The following PCSK5 variants were observed in gnomAD, a reference collection of about 807,000 sequenced individuals.
The protein encoded by PCSK5 is prohormone convertase 5.
A neutral mutation model predicts 233.2 loss-of-function variants in PCSK5; 129 were observed. The ratio of observed to expected loss-of-function variants is 0.55; its 90% confidence interval spans 0.48 to 0.64. PCSK5 has a LOEUF of 0.64. Among genes scored for constraint, PCSK5 ranks in the 30% least tolerant of loss-of-function variants. PCSK5 has a pLI of 0.00. For synonymous variants in PCSK5, 825 were observed against 879.2 expected, an observed-to-expected ratio of 0.94 and a Z score of 1.09; for missense variants, 2,076 against 2,430.1, an observed-to-expected ratio of 0.85 and a Z score of 3.06.
intron 24 of PCSK5, among the ~76,000 whole-genome samples, chr9:76,267,715 T>G (rs1827378350): frequency 6.6e-6 from 1 of 152,174 alleles, no homozygotes; most frequent in Non-Finnish European, 1.5e-5. Context: ...TATAATGGCT[T>G]TGTTTCCCCA....
chr9:76,003,570 C>T (rs1827349677), intron 3 of PCSK5, among the ~76,000 whole-genome samples: 1 of 152,212 alleles, frequency 6.6e-6, no homozygotes, highest in Non-Finnish European at 1.5e-5. Context: ...TCTCTGAACT[C>T]TGAAATTAAG....
intron 24 of PCSK5, 113 bp from the exon 25 acceptor site, chr9:76,292,120 T>A: frequency 1.4e-6 from 1 of 703,300 alleles, no homozygotes; most frequent in South Asian, 1.7e-5. Context: ...GGACAGTACA[T>A]TTCATGAAAC....
intron 24 of PCSK5, among the ~76,000 whole-genome samples, chr9:76,263,358 G>A (rs999986303): frequency 7.2e-5 from 11 of 152,148 alleles, no homozygotes; most frequent in Non-Finnish European, 1.6e-4. Flanking sequence ...ATTCACAATA[G>A]CAAAGACTTG....
intron 21 of PCSK5, among the ~76,000 whole-genome samples, chr9:76,229,078 G>C (rs1825990445): frequency 1.3e-5 from 2 of 152,156 alleles, no homozygotes; most frequent in African/African-American, 4.8e-5. Flanking sequence ...AGACACAAAG[G>C]AACAGTTTTA....
At chr9:76,041,580 A>G (rs887033400) in intron 5 of PCSK5, among the ~76,000 whole-genome samples, 5 of 152,074 alleles carry the variant, frequency 3.3e-5, no homozygotes, top group African/African-American at 7.2e-5. Context: ...GGTGGCTCAC[A>G]CCTGTAATTC....
At chr9:76,193,367 T>G in intron 20 of PCSK5, 2 of 1,607,596 alleles carry the variant, frequency 1.2e-6, no homozygotes, top group Non-Finnish European at 1.7e-6. Flanking sequence ...CCATCTTAGA[T>G]TTCTTTGTTC....
At chr9:76,312,271 G>A (rs1828883952) in intron 30 of PCSK5, among the ~76,000 whole-genome samples, 1 of 152,134 alleles carries the variant, frequency 6.6e-6, no homozygotes, top group Non-Finnish European at 1.5e-5. Context: ...AGCATTTTGG[G>A]AGGCCAACCG....
At chr9:76,070,176 A>G (rs1308305550) in intron 6 of PCSK5, among the ~76,000 whole-genome samples, 2 of 151,602 alleles carry the variant, frequency 1.3e-5, no homozygotes, top group Non-Finnish European at 2.9e-5. Flanking sequence ...AATTTTTTGT[A>G]TTTTTAGTAG....
chr9:76,189,036 T>C (rs1003865871), intron 18 of PCSK5, 58 bp from the exon 19 acceptor site: 3 of 1,542,942 alleles, frequency 1.9e-6, no homozygotes, highest in East Asian at 4.5e-5. Flanking sequence ...AAGAAGCCCA[T>C]GACACCACCT....
chr9:76,171,359 G>C (rs1587713439), intron 13 of PCSK5, among the ~76,000 whole-genome samples: 1 of 152,182 alleles, frequency 6.6e-6, no homozygotes, highest in Non-Finnish European at 1.5e-5. Context: ...TACAGGACAA[G>C]AGACCCCGGA....
At chr9:76,171,529 C>CTG (rs1340134861) in intron 13 of PCSK5, among the ~76,000 whole-genome samples, 4 of 152,228 alleles carry the variant, frequency 2.6e-5, no homozygotes, top group Non-Finnish European at 5.9e-5. Context: ...TAAGCCCAGG[C>CTG]TGCTCCTAAG....
chr9:75,928,614 T>TAC (rs1030753181), intron 1 of PCSK5, among the ~76,000 whole-genome samples: 9 of 108,574 alleles, frequency 8.3e-5, no homozygotes, highest in South Asian at 8.0e-4. Context: ...TATATATATA[T>TAC]ATATATATAT....
intron 9 of PCSK5, among the ~76,000 whole-genome samples, 186 bp from the exon 10 acceptor site, chr9:76,133,923 A>T (rs142824407): frequency 8.6e-4 from 131 of 152,120 alleles, no homozygotes; most frequent in African/African-American, 2.5e-3. Flanking sequence ...CCACAGACTA[A>T]TGTCACTTCT....
chr9:76,190,826 A>T (rs1159075782), intron 20 of PCSK5, among the ~76,000 whole-genome samples: 1 of 152,192 alleles, frequency 6.6e-6, no homozygotes, highest in African/African-American at 2.4e-5. Flanking sequence ...CTGAACCAGG[A>T]TGCAGCACCA....
chr9:76,254,505 T>G (rs1325822466), intron 24 of PCSK5, among the ~76,000 whole-genome samples: 1 of 151,936 alleles, frequency 6.6e-6, no homozygotes, highest in East Asian at 1.9e-4. Flanking sequence ...TTTCCCCAAG[T>G]ATTCTGTTAT....
intron 3 of PCSK5, among the ~76,000 whole-genome samples, chr9:76,015,755 G>C (rs1827923178): frequency 6.6e-6 from 1 of 152,174 alleles, no homozygotes; most frequent in Admixed American, 6.5e-5. Flanking sequence ...GCTTCAACTT[G>C]ATGCACGGAT....
At chr9:76,257,185 T>C (rs758209740) in intron 24 of PCSK5, among the ~76,000 whole-genome samples, 5 of 152,220 alleles carry the variant, frequency 3.3e-5, no homozygotes, top group Admixed American at 6.5e-5. Flanking sequence ...CTGTGACTTC[T>C]GTGCCTGTTA....
rs182942642 is a variant in PCSK5, at chr9:75,960,744, C to T, written c.298-25388C>T. ...TGCTCTACTTATTAACATTCGACAGCTGTTTCCCGAGTGCCTGCCAGGAGC... is the reference window on the plus strand; with the variant it reads ...TGCTCTACTTATTAACATTCGACAGTTGTTTCCCGAGTGCCTGCCAGGAGC... On this transcript the variant is annotated intron_variant, in intron 2 of 37. Coordinates refer to ENST00000674117, the MANE Select transcript of PCSK5 (RefSeq NM_001372043.1). Among the ~76,000 whole-genome samples the T allele has an allele frequency of 7.9e-5, 12 of 152,280 alleles. No homozygotes were observed. The East Asian group carries it at 2.1e-3, about 27-fold the overall frequency.
chr9:76,024,027 G>GA, intron 4 of PCSK5, 146 bp downstream of exon 4: 1 of 570,290 alleles, frequency 1.8e-6, no homozygotes, highest in East Asian at 3.1e-5. Context: ...TAAAAGATGA[G>GA]AATTCTTTGA....
Sources: allele counts gnomAD v4.1 joint callset (sites outside exome capture counted in the v4.1 genomes callset), GRCh38; gene constraint gnomAD v4.1.1; transcripts MANE v1.5; gene names NCBI Gene and HGNC (gene_info 2026-07-23, HGNC 2026-07-21).